Variants in PAPLN observed in about 807,000 individuals in gnomAD.
PAPLN encodes papilin.
PAPLN carries 146 observed loss-of-function variants against 159.0 expected under a neutral mutation model. The ratio of observed to expected loss-of-function variants is 0.92; its 90% CI spans 0.80 to 1.05. The LOEUF (loss-of-function observed/expected upper bound fraction) is 1.05, where lower values mean the gene tolerates loss of function less well. Ranked by LOEUF, PAPLN falls within the 50% of genes least tolerant of loss-of-function variation. PAPLN has a pLI of 0.00. For missense variants in PAPLN, 1,720 were observed against 1,743.9 expected (o/e 0.99, Z 0.24); for synonymous variants, 734 against 702.9 (o/e 1.04, Z -0.70).
Position 73,259,306 on chromosome 14 carries a change from C to G in PAPLN, c.1746C>G (p.Pro582=). Residue 582 remains proline, a synonymous_variant, in exon 16 of 27, where the codon CCC becomes CCG. Transcript: ENST00000644200. ...AGTGGTGGGCAGCCCAGGAACACCCCTCAGCCAGGGGTGACCACAGGGGAG... is the reference window on the plus strand; with the variant it reads ...AGTGGTGGGCAGCCCAGGAACACCCGTCAGCCAGGGGTGACCACAGGGGAG... ...RGQWWAAQEH[P]SARGDHRGER... 1 of 1,590,346 alleles carries G rather than the reference C, an allele frequency of 6.3e-7. No homozygotes were observed. The highest frequency in any genetic ancestry group is 1.7e-4 in the Middle Eastern group (1 of 5,942).
At chr14:73,270,041 C>CT (rs1404018876) in intron 26 of PAPLN, among the ~76,000 whole-genome samples, 2 of 152,350 alleles carry the variant, frequency 1.3e-5, no homozygotes. Context: ...ACTAGGTGCT[C>CT]ATGTTGTGGC....
At chr14:73,239,720 C>G in intron 1 of PAPLN, 53 bp from the exon 2 acceptor site, 2 of 1,535,972 alleles carry the variant, frequency 1.3e-6, no homozygotes, top group Non-Finnish European at 1.7e-6. Flanking sequence ...TCGCCCGCGC[C>G]CAGGACAGCT....
At chr14:73,236,713 G>A (rs1594766597), upstream of PAPLN, among the ~76,000 whole-genome samples, 1 of 151,968 alleles carries the variant, frequency 6.6e-6, no homozygotes, top group Non-Finnish European at 1.5e-5. Context: ...CTACTAGGGA[G>A]GCTGAGGCTG....
At chr14:73,257,124 A>G (rs763618151) in intron 14 of PAPLN, among the ~76,000 whole-genome samples, 10 of 152,076 alleles carry the variant, frequency 6.6e-5, no homozygotes, top group African/African-American at 9.7e-5. Context: ...GGTGCAGGCC[A>G]CCATGCCCAG....
chr14:73,274,596 T>C lies in PAPLN; in HGVS notation c.*1932T>C, dbSNP rs538190859. On this transcript the variant is annotated 3_prime_UTR_variant, in exon 27 of 27. Transcript: ENST00000644200. The stretch of plus-strand genomic sequence containing the variant: ...CTTATGGCTGGTTTTGCTATAGAAA[T>C]TGGAAAATAAAGGCCACTTTTTTGA... 7 of 152,228 alleles carry C rather than the reference T, an allele frequency of 4.6e-5. No individual in the cohort carries two copies. In the South Asian group the frequency reaches 8.3e-4, roughly 18 times the overall value. 9.4% of individuals were successfully genotyped at this position (152,228 alleles called of 1,614,324 possible).
chr14:73,252,452 T>G (rs1421242310), intron 10 of PAPLN, among the ~76,000 whole-genome samples, 197 bp from the exon 11 acceptor site: 1 of 152,042 alleles, frequency 6.6e-6, no homozygotes, highest in African/African-American at 2.4e-5. Context: ...AGAGTAGGGC[T>G]CTCTCACAGC....
chr14:73,239,867 C>T (rs374696647), intron 2 of PAPLN, 35 bp downstream of exon 2: 1 of 1,545,102 alleles, frequency 6.5e-7, no homozygotes, highest in East Asian at 2.4e-5. Context: ...CCGGAGGAAC[C>T]TGCAGGGGAG....
At chr14:73,270,188 C>T (rs1444432426) in intron 26 of PAPLN, among the ~76,000 whole-genome samples, 1 of 152,242 alleles carries the variant, frequency 6.6e-6, no homozygotes, top group Non-Finnish European at 1.5e-5. Flanking sequence ...CACCGTCTCG[C>T]TCCGCCCACT....
Position 73,266,493 on chromosome 14 carries a change from G to A in PAPLN, c.3264-8G>A. Reference sequence around the variant, plus strand: ...GGCTGGAGCCAACTGGCTGTACTTGGTCCCCAGACACCAGCTGCAGCCTGA... The same window carrying A: ...GGCTGGAGCCAACTGGCTGTACTTGATCCCCAGACACCAGCTGCAGCCTGA... On this transcript the variant is annotated splice_region_variant and splice_polypyrimidine_tract_variant and intron_variant, in intron 23 of 26. Coordinates refer to ENST00000644200, the MANE Select transcript of PAPLN (RefSeq NM_001365906.3). 6.2e-7 allele frequency: 1 copy of A among 1,613,696 alleles called. No homozygotes were observed. Among genetic ancestry groups the A allele is most frequent in the South Asian group, 1.1e-5 (1 of 91,012 alleles).
Position 73,258,976 on chromosome 14 carries a change from C to A in PAPLN, c.1628-3C>A. 6.2e-7 allele frequency: 1 copy of A among 1,607,992 alleles called. No individual in the cohort carries two copies. The highest frequency in any genetic ancestry group is 8.5e-7 in the Non-Finnish European group (1 of 1,176,998). The stretch of plus-strand genomic sequence containing the variant: ...CCCACATGGACCTCCCGGCTCCCTG[C>A]AGAGGTCCCCAGCATGCAGGATGTG... On this transcript the variant is annotated splice_polypyrimidine_tract_variant and splice_region_variant and intron_variant, in intron 14 of 26. Transcript: ENST00000644200.
rs779364306 is a variant in PAPLN, at chr14:73,250,889, C to T, written c.466-18C>T. 1.2e-6 allele frequency: 2 copies of T among 1,602,542 alleles called. No individual in the cohort carries two copies. Among genetic ancestry groups the T allele is most frequent in the South Asian group, 1.1e-5 (1 of 89,540 alleles). On this transcript the variant is annotated intron_variant, in intron 6 of 26. Transcript: ENST00000644200. ...GCCATGATGCCGTCTCCCCTGCCTC[C>T]CGCATCTCTGCCCACAGGTTGTCGG...
chr14:73,272,561 A>G lies in PAPLN; in HGVS notation c.3734A>G (p.Asp1245Gly). Reference protein sequence around the residue: ...CVDQPELANCDLILQAQLCGN... With the variant: ...CVDQPELANCGLILQAQLCGN... ...GACCAGCCAGAGCTGGCCAACTGTG[A>G]TTTGATCCTGCAGGCCCAGCTTTGT... The change falls in exon 27 of 27, where the codon GAT (aspartate) becomes GGT (glycine). Residue 1245 changes from aspartate to glycine, a missense_variant. Asp to Gly is a moderately conservative substitution (Grantham distance 94). Coordinates refer to ENST00000644200, the MANE Select transcript of PAPLN (RefSeq NM_001365906.3). The G allele has an allele frequency of 6.2e-7, 1 of 1,601,706 alleles. No individual in the cohort carries two copies. The highest frequency in any genetic ancestry group is 2.2e-5 in the East Asian group (1 of 44,528).
chr14:73,265,647 G>A lies in PAPLN; in HGVS notation c.3263+140G>A. 3.1e-6 allele frequency: 4 copies of A among 1,284,714 alleles called. No individual in the cohort carries two copies. Among genetic ancestry groups the A allele is most frequent in the South Asian group, 3.0e-5 (2 of 66,664 alleles). The allele number at this position is 1,284,714 out of a possible 1,614,324, so 79.6% of individuals were successfully genotyped here. The stretch of plus-strand genomic sequence containing the variant: ...ACTCCAGGGCCTCTTGAGAGATGGA[G>A]CAGCTGGGCAAAGGGCTCCTTGGGT... On this transcript the variant is annotated intron_variant, in intron 23 of 26. Coordinates refer to ENST00000644200, the MANE Select transcript of PAPLN (RefSeq NM_001365906.3). The surrounding 1 kb of genome is among the most constrained non-coding windows in gnomAD (Gnocchi z 4.1).
Position 73,246,079 on chromosome 14 carries a change from C to A in PAPLN, c.238C>A (p.Pro80Thr). Residue 80 changes from proline (P) to threonine (T), a missense_variant, in exon 5 of 27, where the codon CCC (proline) becomes ACC (threonine). Pro to Thr is a conservative substitution (Grantham distance 38). Transcript: ENST00000644200. ...CTTCCCCTCCGCCCCGCAGAGCTGC[C>A]CCGACGGCGCCCGGGACTTCCGGGC... The part of the protein sequence containing the change: ...SHRSCRTESC[P>T]DGARDFRAEQ... 1 of 1,554,644 alleles carries A rather than the reference C, an allele frequency of 6.4e-7. No homozygotes were observed. Among genetic ancestry groups the A allele is most frequent in the East Asian group, 2.5e-5 (1 of 39,532 alleles).
At position 73,274,345 on chromosome 14, in the gene PAPLN, A is replaced by G. The variant is rs1406176599; in HGVS notation, c.*1681A>G. 6.6e-6 allele frequency: 1 copy of G among 152,222 alleles called. No individual in the cohort carries two copies. Among genetic ancestry groups the G allele is most frequent in the African/African-American group, 2.4e-5 (1 of 41,464 alleles). 9.4% of individuals were successfully genotyped at this position (152,222 alleles called of 1,614,324 possible). ...CTACAAATCTTTCAGAGGACTGCCT[A>G]GTAGCAAAGGTTATTCCTGGACACA... is the stretch of plus-strand genomic sequence containing the variant. On this transcript the variant is annotated 3_prime_UTR_variant, in exon 27 of 27. Coordinates refer to ENST00000644200, the MANE Select transcript of PAPLN (RefSeq NM_001365906.3).
At chr14:73,262,926 A>G in intron 19 of PAPLN, 99 bp downstream of exon 19, 4 of 1,103,160 alleles carry the variant, frequency 3.6e-6, no homozygotes, top group Non-Finnish European at 4.8e-6. Context: ...CTCCCTCCCC[A>G]TCCCTAACTT....
At chr14:73,266,672 G>C in intron 24 of PAPLN, 44 bp downstream of exon 24, 2 of 1,614,144 alleles carry the variant, frequency 1.2e-6, no homozygotes, top group Non-Finnish European at 1.7e-6. Flanking sequence ...AGGTGGCATG[G>C]GTAGGGCAGG....
intron 11 of PAPLN, 91 bp from the exon 12 acceptor site, chr14:73,253,663 G>C: frequency 1.6e-6 from 2 of 1,281,552 alleles, no homozygotes; most frequent in Non-Finnish European, 2.1e-6. Flanking sequence ...GGGGTCCTCA[G>C]GCCACCTGTG....
chr14:73,246,321 C>A, intron 5 of PAPLN, 146 bp downstream of exon 5: 1 of 708,710 alleles, frequency 1.4e-6, no homozygotes, highest in South Asian at 3.3e-5. Flanking sequence ...GTCTTGAACT[C>A]CTGGGCTCAA....
Sources: allele counts gnomAD v4.1 joint callset (sites outside exome capture counted in the v4.1 genomes callset), GRCh38; gene constraint gnomAD v4.1.1; non-coding constraint Gnocchi (gnomAD v3.1); transcripts MANE v1.5; gene names NCBI Gene and HGNC (gene_info 2026-07-23, HGNC 2026-07-21).